The following NCOA3 variants were observed in gnomAD, a reference collection of about 807,000 sequenced individuals.
The protein encoded by NCOA3 is CBP-interacting protein.
NCOA3 carries 51 observed loss-of-function variants against 158.8 expected under a neutral mutation model. The observed-to-expected ratio is 0.32, with a 90% CI of 0.26 to 0.41. The LOEUF (loss-of-function observed/expected upper bound fraction) is 0.41. NCOA3 is among the 10% of genes least tolerant of loss of function. NCOA3 has a pLI of 1.00. For synonymous variants in NCOA3, 537 were observed against 592.4 expected, an observed-to-expected ratio of 0.91 and a Z score of 1.36; for missense variants, 1,510 against 1,746.6, an observed-to-expected ratio of 0.86 and a Z score of 2.41.
chr20:47,643,731 T>G (rs1427321096), intron 17 of NCOA3, among the ~76,000 whole-genome samples: 1 of 152,130 alleles, frequency 6.6e-6, no homozygotes, highest in East Asian at 1.9e-4. Flanking sequence ...TAAAATGTTT[T>G]GGGTTCTATG....
intron 2 of NCOA3, among the ~76,000 whole-genome samples, chr20:47,607,449 CA>C (rs2085965626): frequency 6.6e-6 from 1 of 152,120 alleles, no homozygotes; most frequent in Non-Finnish European, 1.5e-5. Flanking sequence ...TTTTCTTGGT[CA>C]CCTCTCCATA....
At chr20:47,616,120 T>G (rs2086128544) in intron 2 of NCOA3, among the ~76,000 whole-genome samples, 1 of 146,218 alleles carries the variant, frequency 6.8e-6, no homozygotes, top group Non-Finnish European at 1.5e-5. Flanking sequence ...ATTGCACCAC[T>G]GCACTCCACC....
intron 1 of NCOA3, among the ~76,000 whole-genome samples, chr20:47,525,795 GC>G (rs2146093828): frequency 1.7e-5 from 2 of 114,606 alleles, no homozygotes; most frequent in African/African-American, 3.7e-5. Context: ...AGACGGGGCG[GC>G]TGGCCGGGCA....
At chr20:47,566,258 T>C (rs2085193384) in intron 1 of NCOA3, among the ~76,000 whole-genome samples, 1 of 152,162 alleles carries the variant, frequency 6.6e-6, no homozygotes, top group Non-Finnish European at 1.5e-5. Flanking sequence ...CAGTTCTCAT[T>C]GGTCTACAGT....
At chr20:47,582,926 T>C (rs576389406) in intron 1 of NCOA3, among the ~76,000 whole-genome samples, 1 of 152,288 alleles carries the variant, frequency 6.6e-6, no homozygotes, top group East Asian at 1.9e-4. Context: ...TCCTGAGTAG[T>C]TGGGATTACA....
At chr20:47,611,021 GTGTACCATGGTACACTTTA>G (rs1366587004) in intron 2 of NCOA3, among the ~76,000 whole-genome samples, 1 of 152,062 alleles carries the variant, frequency 6.6e-6, no homozygotes, top group Non-Finnish European at 1.5e-5. Context: ...TGTTTACTTA[GTGTACCATGGTACACTTTA>G]TGTACCATCC....
intron 12 of NCOA3, 137 bp downstream of exon 12, chr20:47,636,899 G>A: frequency 3.8e-6 from 3 of 795,408 alleles, no homozygotes; most frequent in Non-Finnish European, 5.8e-6. Flanking sequence ...TAATTATTTT[G>A]GATGTCAGTA....
intron 19 of NCOA3, among the ~76,000 whole-genome samples, chr20:47,649,623 ATGTGCATGAGGCAGATGACCACACAGC>A (rs2086749120): frequency 6.6e-6 from 1 of 152,178 alleles, no homozygotes; most frequent in African/African-American, 2.4e-5. Flanking sequence ...GGTTTTTTTA[ATGTGCATGAGGCAGATGACCACACAGC>A]AATCCTCTAT....
At position 47,634,112 on chromosome 20, in the gene NCOA3, G is replaced by A; in HGVS notation, c.1029G>A (p.Val343=). Reference sequence around the variant, plus strand: ...TCTCGTTGGCTGATGGAACTATAGTGACTGCACAGACAAAAAGCAAACTCT... The same window carrying A: ...TCTCGTTGGCTGATGGAACTATAGTAACTGCACAGACAAAAAGCAAACTCT... ...YRFSLADGTI[V]TAQTKSKLFR... is the part of the protein sequence containing the mutation. The change falls in exon 10 of 23, where the codon GTG becomes GTA. Residue 343 remains valine (V), a synonymous_variant. Transcript: ENST00000371998. 6.2e-7 allele frequency: 1 copy of A among 1,614,106 alleles called. No homozygotes were observed. Among genetic ancestry groups the A allele is most frequent in the Middle Eastern group, 1.6e-4 (1 of 6,062 alleles).
At chr20:47,544,223 T>G (rs1238720111) in intron 1 of NCOA3, among the ~76,000 whole-genome samples, 1 of 151,878 alleles carries the variant, frequency 6.6e-6, no homozygotes, top group Non-Finnish European at 1.5e-5. Flanking sequence ...TTTGTTTTTT[T>G]GGGGTTTATT....
At chr20:47,596,315 G>C (rs760370787) in intron 2 of NCOA3, among the ~76,000 whole-genome samples, 53 of 152,216 alleles carry the variant, frequency 3.5e-4, no homozygotes, top group Admixed American at 1.2e-3. Context: ...TTTCTAAATT[G>C]TAAGATCCAA....
intron 1 of NCOA3, among the ~76,000 whole-genome samples, chr20:47,570,313 T>C (rs897862500): frequency 2.0e-5 from 3 of 152,118 alleles, no homozygotes; most frequent in Non-Finnish European, 4.4e-5. Context: ...TGGTGGCACA[T>C]GCCTGTAGTC....
intron 2 of NCOA3, among the ~76,000 whole-genome samples, chr20:47,594,611 G>A (rs1002035118): frequency 1.4e-5 from 2 of 138,460 alleles, no homozygotes; most frequent in Non-Finnish European, 3.1e-5. Flanking sequence ...GTTGCAGTGA[G>A]TGGAGATTGT....
chr20:47,555,921 C>T lies in NCOA3; in HGVS notation c.-98-27262C>T, dbSNP rs370075426. Reference sequence around the variant, plus strand: ...CCTCCCAAAGTGCTGGGATTACAGGCGTGAGCCACTGCACCCAGCCTTTTT... The same window carrying T: ...CCTCCCAAAGTGCTGGGATTACAGGTGTGAGCCACTGCACCCAGCCTTTTT... On this transcript the variant is annotated intron_variant, in intron 1 of 22. Coordinates refer to ENST00000371998, the MANE Select transcript of NCOA3 (RefSeq NM_181659.3). Among the ~76,000 whole-genome samples the T allele has an allele frequency of 4.9e-3, 730 of 149,950 alleles. 7 individuals carry two copies. Among genetic ancestry groups the T allele is most frequent in the African/African-American group, 0.016 (665 of 40,830 alleles).
intron 20 of NCOA3, among the ~76,000 whole-genome samples, chr20:47,651,600 T>C (rs777548815): frequency 2.6e-5 from 4 of 152,196 alleles, no homozygotes; most frequent in Non-Finnish European, 5.9e-5. Flanking sequence ...CTCTGAATGC[T>C]TGGTCAAGTC....
At chr20:47,639,449 C>A in intron 14 of NCOA3, 128 bp from the exon 15 acceptor site, 3 of 1,305,796 alleles carry the variant, frequency 2.3e-6, no homozygotes, top group Non-Finnish European at 3.2e-6. Context: ...AGTTGGCCAG[C>A]CCTTTTCTTA....
At chr20:47,621,885 C>T (rs2086247019) in intron 2 of NCOA3, among the ~76,000 whole-genome samples, 1 of 151,982 alleles carries the variant, frequency 6.6e-6, no homozygotes, top group African/African-American at 2.4e-5. Context: ...CCATGTTGGT[C>T]AGGCTGGTCT....
intron 1 of NCOA3, among the ~76,000 whole-genome samples, chr20:47,580,241 C>T (rs1255939898): frequency 6.6e-6 from 1 of 152,070 alleles, no homozygotes; most frequent in Non-Finnish European, 1.5e-5. Context: ...TTTCCTAGGT[C>T]CATTATGCTA....
intron 4 of NCOA3, among the ~76,000 whole-genome samples, chr20:47,624,336 A>G (rs1429144292): frequency 5.9e-5 from 9 of 152,218 alleles, no homozygotes; most frequent in African/African-American, 2.2e-4. Flanking sequence ...CTGCAGCTAG[A>G]TGGATCCATC....
Sources: allele counts gnomAD v4.1 joint callset (sites outside exome capture counted in the v4.1 genomes callset), GRCh38; gene constraint gnomAD v4.1.1; transcripts MANE v1.5; gene names NCBI Gene and HGNC (gene_info 2026-07-23, HGNC 2026-07-21).